DCLK1: variants seen among roughly 807,000 people sequenced by gnomAD.
DCLK1 encodes the protein doublecortin like kinase 1.
In DCLK1, 16 loss-of-function variants were observed where a neutral mutation model predicts 86.2. That is an observed-to-expected ratio of 0.19 (90% CI 0.13 to 0.28). The LOEUF (loss-of-function observed/expected upper bound fraction) is 0.28. DCLK1 is among the 10% of genes least tolerant of loss of function. The pLI, the probability that DCLK1 is intolerant of heterozygous loss-of-function variation, is 1.00. For synonymous variants in DCLK1, 369 were observed against 370.5 expected, an observed-to-expected ratio of 1.00 and a Z score of 0.05; for missense variants, 590 against 940.2, an observed-to-expected ratio of 0.63 and a Z score of 4.87.
Position 35,888,098 on chromosome 13 carries a change from T to A in DCLK1, c.824-16758A>T, listed in dbSNP as rs117693460. On this transcript the variant is annotated intron_variant, in intron 4 of 16. Coordinates refer to ENST00000360631, the MANE Select transcript of DCLK1 (RefSeq NM_001330071.2). ...TCAAGGATAATTCTATGTGTCCTAC[T>A]CTGAAAACTTCAGATTTCCTTTTCC... Among the ~76,000 whole-genome samples the A allele has an allele frequency of 1.6e-3, 244 of 152,276 alleles. 3 individuals carry two copies. The East Asian group carries it at 0.035, about 22-fold the overall frequency.
At chr13:35,978,968 C>T (rs913071) in intron 3 of DCLK1, among the ~76,000 whole-genome samples, 87,356 of 152,066 alleles carry the variant, frequency 0.57, 26,188 homozygotes, top group Middle Eastern at 0.67. Context: ...GTGCTAAGTG[C>T]TCTACCTATA....
chr13:35,838,087 G>GA (rs1869526611), intron 7 of DCLK1, among the ~76,000 whole-genome samples: 1 of 124,348 alleles, frequency 8.0e-6, no homozygotes, highest in African/African-American at 3.0e-5. Context: ...GAAAAGAAAA[G>GA]AAAAGAAAAA....
chr13:36,000,809 A>AT (rs2153145767), intron 3 of DCLK1, among the ~76,000 whole-genome samples: 1 of 152,348 alleles, frequency 6.6e-6, no homozygotes, highest in East Asian at 1.9e-4. Flanking sequence ...TGATATTGCC[A>AT]GTACTCAGCA....
Position 36,082,095 on chromosome 13 carries a change from G to T in DCLK1, c.723+29774C>A, listed in dbSNP as rs1257287942. ...TTGAACTGTGCAAGTCAACTTATAC[G>T]CAGATTTTTTTCAATAGAAATTATG... On this transcript the variant is annotated intron_variant, in intron 3 of 16. Coordinates refer to ENST00000360631, the MANE Select transcript of DCLK1 (RefSeq NM_001330071.2). Among the ~76,000 whole-genome samples the T allele has an allele frequency of 2.0e-5, 3 of 152,044 alleles. No individual in the cohort carries two copies. The East Asian group carries it at 5.8e-4, about 29-fold the overall frequency.
intron 3 of DCLK1, among the ~76,000 whole-genome samples, chr13:35,989,910 A>T (rs1344749033): frequency 6.6e-6 from 1 of 152,212 alleles, no homozygotes; most frequent in African/African-American, 2.4e-5. Context: ...AAAATATTTA[A>T]TTTTAAAAAA....
intron 3 of DCLK1, among the ~76,000 whole-genome samples, chr13:36,043,076 A>C (rs1257836157): frequency 1.3e-5 from 2 of 152,210 alleles, no homozygotes; most frequent in Non-Finnish European, 2.9e-5. Flanking sequence ...GAAAGCAGTT[A>C]AAATAAGAAA....
chr13:35,851,995 A>ATATGTG lies in DCLK1; in HGVS notation c.1035+2503_1035+2504insCACATA, dbSNP rs1555344391. Among the ~76,000 whole-genome samples, 1,271 of 143,614 alleles carry ATATGTG rather than the reference A, an allele frequency of 8.9e-3. 11 individuals carry two copies. The highest frequency in any genetic ancestry group is 0.027 in the African/African-American group (1,063 of 39,622). The allele number at this position is 143,614 out of a possible 152,430, so 94.2% of individuals were successfully genotyped here. A position where few individuals can be genotyped will look rare whatever the true frequency, so the allele number is the denominator to read the frequency against. Reference sequence around the variant, plus strand: ...GGCGCGCGTGTGTGCATGTGTGTGTATGTGTGTGTGTGTGTGTGTGTGTGT... The same window carrying ATATGTG: ...GGCGCGCGTGTGTGCATGTGTGTGTATATGTGTGTGTGTGTGTGTGTGTGTGTGTGT... On this transcript the variant is annotated intron_variant, in intron 6 of 16. Transcript: ENST00000360631.
intron 4 of DCLK1, among the ~76,000 whole-genome samples, chr13:35,932,110 A>C (rs1411688272): frequency 6.6e-6 from 1 of 152,166 alleles, no homozygotes; most frequent in African/African-American, 2.4e-5. Flanking sequence ...AAGGTAGACT[A>C]CCCTCTCCAA....
intron 9 of DCLK1, 77 bp downstream of exon 9, chr13:35,828,173 T>C (rs1868640761): frequency 8.1e-7 from 1 of 1,228,958 alleles, no homozygotes; most frequent in Admixed American, 1.8e-5. Flanking sequence ...TGAACTTGTA[T>C]TTGTTTGGGA....
At chr13:35,814,055 C>T (rs2087211786) in intron 11 of DCLK1, among the ~76,000 whole-genome samples, 1 of 152,020 alleles carries the variant, frequency 6.6e-6, no homozygotes. Flanking sequence ...GTTTCTTCTC[C>T]AGTGGGAGAG....
intron 3 of DCLK1, among the ~76,000 whole-genome samples, chr13:35,965,424 C>T (rs1878680972): frequency 6.6e-6 from 1 of 152,192 alleles, no homozygotes; most frequent in Admixed American, 6.5e-5. Context: ...GTACTGCGTG[C>T]ATGTGCCCTA....
intron 4 of DCLK1, among the ~76,000 whole-genome samples, chr13:35,880,427 A>G (rs1872820333): frequency 6.6e-6 from 1 of 151,984 alleles, no homozygotes; most frequent in Non-Finnish European, 1.5e-5. Context: ...GTACCACTTG[A>G]CCCCTACAAT....
At chr13:35,788,234 G>T in intron 16 of DCLK1, 1 of 1,613,924 alleles carries the variant, frequency 6.2e-7, no homozygotes, top group Non-Finnish European at 8.5e-7. Flanking sequence ...ATTCCTGGTT[G>T]CTGGTAGTAG....
intron 15 of DCLK1, among the ~76,000 whole-genome samples, chr13:35,804,580 G>A (rs1216878897): frequency 2.0e-5 from 3 of 151,632 alleles, no homozygotes; most frequent in South Asian, 2.1e-4. Flanking sequence ...TTACAGGTGC[G>A]CACCACCACA....
chr13:36,110,827 ATTTTT>A (rs869131031), intron 3 of DCLK1, among the ~76,000 whole-genome samples: 1 of 120,170 alleles, frequency 8.3e-6, no homozygotes, highest in Admixed American at 9.5e-5. Context: ...CATATAATCA[ATTTTT>A]TTTTTTTTTT....
chr13:35,811,699 TG>T (rs1354688616), intron 11 of DCLK1, among the ~76,000 whole-genome samples: 1 of 151,992 alleles, frequency 6.6e-6, no homozygotes, highest in Non-Finnish European at 1.5e-5. Flanking sequence ...CTGGGCGTGG[TG>T]GCGGGCACCT....
intron 3 of DCLK1, among the ~76,000 whole-genome samples, chr13:35,969,987 T>C (rs1878988304): frequency 6.6e-6 from 1 of 152,192 alleles, no homozygotes; most frequent in Non-Finnish European, 1.5e-5. Flanking sequence ...ATCTTGGACT[T>C]CCCAGCCTCC....
At chr13:36,082,724 A>G (rs1389498075) in intron 3 of DCLK1, among the ~76,000 whole-genome samples, 1 of 152,246 alleles carries the variant, frequency 6.6e-6, no homozygotes, top group Non-Finnish European at 1.5e-5. Context: ...TGGAAGTTGT[A>G]GAAAGCACTA....
At chr13:35,997,380 G>C (rs1022211377) in intron 3 of DCLK1, among the ~76,000 whole-genome samples, 1 of 152,182 alleles carries the variant, frequency 6.6e-6, no homozygotes, top group Non-Finnish European at 1.5e-5. Flanking sequence ...AATCATCGTA[G>C]AGCAGAAATC....
Sources: gnomAD v4.1 joint callset for allele counts (sites outside exome capture counted in the v4.1 genomes callset) on GRCh38, gnomAD v4.1.1 for gene constraint, MANE v1.5 for transcripts, NCBI Gene and HGNC (gene_info 2026-07-23, HGNC 2026-07-21) for gene names.